The following FAM110B variants were observed in gnomAD, a reference collection of about 807,000 sequenced individuals.
FAM110B encodes the protein family with sequence similarity 110 member B.
In FAM110B, 6 loss-of-function variants were observed where a neutral mutation model predicts 20.4. The observed-to-expected ratio is 0.29, with a 90% CI of 0.16 to 0.58. The LOEUF is 0.58. FAM110B is among the 20% of genes least tolerant of loss of function. The probability of loss-of-function intolerance (pLI) is 0.90; values close to 1 mark genes in which losing one functional copy is unlikely to be tolerated. For synonymous variants in FAM110B, 226 were observed against 214.1 expected (o/e 1.06, Z -0.49); for missense variants, 434 against 498.2 (o/e 0.87, Z 1.23).
chr8:58,051,737 T>G (rs528648196), intron 2 of FAM110B, among the ~76,000 whole-genome samples: 1 of 152,290 alleles, frequency 6.6e-6, no homozygotes, highest in African/African-American at 2.4e-5. Flanking sequence ...TAGTATTAAG[T>G]GCATATCAAT....
chr8:58,143,738 C>T (rs1033230833), intron 3 of FAM110B, among the ~76,000 whole-genome samples: 13 of 152,184 alleles, frequency 8.5e-5, no homozygotes, highest in Non-Finnish European at 8.8e-5. Context: ...TTAACAGACA[C>T]GCAGGTGTGC....
chr8:58,050,017 C>T (rs1345971101), intron 2 of FAM110B, among the ~76,000 whole-genome samples: 2 of 152,078 alleles, frequency 1.3e-5, no homozygotes, highest in Admixed American at 6.5e-5. Flanking sequence ...GTTGATATTC[C>T]TGTCATTGAT....
At chr8:58,035,412 A>G (rs1805057351) in intron 2 of FAM110B, among the ~76,000 whole-genome samples, 1 of 152,220 alleles carries the variant, frequency 6.6e-6, no homozygotes, top group Non-Finnish European at 1.5e-5. Flanking sequence ...TCCTTGGTAT[A>G]TTAGAGAATT....
In FAM110B at chr8:58,034,950, C is replaced by T. The variant is rs537094687; in HGVS notation, c.-414+3247C>T. Among the ~76,000 whole-genome samples the T allele has an allele frequency of 1.7e-4, 26 of 152,154 alleles. No homozygotes were observed. In the South Asian group the frequency reaches 2.3e-3, roughly 13 times the overall value. On this transcript the variant is annotated intron_variant, in intron 2 of 3. Coordinates refer to ENST00000519262, the MANE Select transcript of FAM110B (RefSeq NM_001377989.1). ...TCTAATAGTAGTAGGGAAGAATGGC[C>T]GCAAGTTCAGTCATCTCATCGTTAG...
chr8:58,071,982 A>G (rs773096035), intron 2 of FAM110B, among the ~76,000 whole-genome samples: 7 of 152,182 alleles, frequency 4.6e-5, no homozygotes, highest in Admixed American at 1.3e-4. Context: ...TGCTCTTTCC[A>G]GAAGTCCAGG....
rs1050875030 is a variant in FAM110B at position 58,146,701 on chromosome 8, C to T, written c.471C>T (p.His157=). 1.2e-6 allele frequency: 2 copies of T among 1,612,586 alleles called. No homozygotes were observed. Among genetic ancestry groups the T allele is most frequent in the Non-Finnish European group, 1.7e-6 (2 of 1,179,458 alleles). Residue 157 remains histidine (H), a synonymous_variant, in exon 4 of 4, where the codon CAC becomes CAT. Transcript: ENST00000519262. ...HRSEATDLHR[H]SFAESLKVYP... Reference sequence around the variant, plus strand: ...CGGAAGCCACTGACCTGCACCGTCACTCCTTCGCGGAGTCCCTGAAGGTCT... The same window carrying T: ...CGGAAGCCACTGACCTGCACCGTCATTCCTTCGCGGAGTCCCTGAAGGTCT...
intron 3 of FAM110B, among the ~76,000 whole-genome samples, chr8:58,121,581 A>G (rs1479227102): frequency 6.6e-6 from 1 of 152,208 alleles, no homozygotes; most frequent in Non-Finnish European, 1.5e-5. Context: ...TTACTTTTTA[A>G]GTTAATTTTA....
At chr8:58,116,769 T>C (rs997816315) in intron 3 of FAM110B, among the ~76,000 whole-genome samples, 1 of 152,168 alleles carries the variant, frequency 6.6e-6, no homozygotes, top group African/African-American at 2.4e-5. Flanking sequence ...ACATTCAGTT[T>C]CCAGGAAGAG....
intron 2 of FAM110B, among the ~76,000 whole-genome samples, chr8:58,060,344 T>G (rs780286136): frequency 1.5e-4 from 23 of 152,212 alleles, no homozygotes; most frequent in Non-Finnish European, 2.8e-4. Flanking sequence ...AAAAATTTGG[T>G]GCAGTACATT....
intron 3 of FAM110B, among the ~76,000 whole-genome samples, chr8:58,115,004 GTTGT>G (rs1267760642): frequency 8.0e-6 from 1 of 125,210 alleles, no homozygotes; most frequent in Non-Finnish European, 1.6e-5. Flanking sequence ...CTATTGGAAA[GTTGT>G]TTTTTTTTTT....
intron 3 of FAM110B, among the ~76,000 whole-genome samples, chr8:58,078,165 C>G (rs1806084890): frequency 1.3e-5 from 2 of 152,292 alleles, no homozygotes; most frequent in East Asian, 1.9e-4. Context: ...TTTCACTGCT[C>G]TCAATATGTG....
intron 2 of FAM110B, among the ~76,000 whole-genome samples, chr8:58,034,173 A>G (rs1205998408): frequency 6.6e-6 from 1 of 152,188 alleles, no homozygotes; most frequent in Non-Finnish European, 1.5e-5. Flanking sequence ...GGCATGGTGC[A>G]TCTGTCTAGA....
At chr8:58,047,221 C>T (rs796799663) in intron 2 of FAM110B, among the ~76,000 whole-genome samples, 7 of 152,106 alleles carry the variant, frequency 4.6e-5, no homozygotes, top group South Asian at 4.1e-4. Context: ...TTTTTGGAAG[C>T]GGTGACTGAG....
chr8:58,025,508 C>T (rs1024705226), intron 1 of FAM110B, among the ~76,000 whole-genome samples: 3 of 152,074 alleles, frequency 2.0e-5, no homozygotes, highest in Non-Finnish European at 4.4e-5. Context: ...AATGTTTGGC[C>T]TTGATCTTGT....
chr8:58,121,629 A>G (rs11997240), intron 3 of FAM110B, among the ~76,000 whole-genome samples: 57,021 of 152,102 alleles, frequency 0.37, 14,513 homozygotes, highest in African/African-American at 0.73. Context: ...TCTGCATAGT[A>G]TCCTTTAACC....
At chr8:58,124,629 T>C (rs569514810) in intron 3 of FAM110B, among the ~76,000 whole-genome samples, 1 of 152,322 alleles carries the variant, frequency 6.6e-6, no homozygotes, top group East Asian at 1.9e-4. Context: ...GGGGAGATGC[T>C]AAAGGATGAG....
intron 3 of FAM110B, among the ~76,000 whole-genome samples, chr8:58,101,798 G>A (rs546174098): frequency 2.0e-5 from 3 of 152,136 alleles, no homozygotes; most frequent in South Asian, 2.1e-4. Flanking sequence ...GCATCCAGTG[G>A]CTCACCATTG....
intron 3 of FAM110B, among the ~76,000 whole-genome samples, chr8:58,108,646 C>T (rs1050736735): frequency 6.6e-6 from 1 of 152,222 alleles, no homozygotes; most frequent in Non-Finnish European, 1.5e-5. Context: ...GCACAGCCTG[C>T]TCCATGACCG....
intron 3 of FAM110B, among the ~76,000 whole-genome samples, chr8:58,141,590 C>G (rs1220072144): frequency 6.6e-6 from 1 of 152,208 alleles, no homozygotes; most frequent in African/African-American, 2.4e-5. Flanking sequence ...TGCTCTAACT[C>G]CAGTGCTTTC....
Sources: gnomAD v4.1 joint callset for allele counts (sites outside exome capture counted in the v4.1 genomes callset) on GRCh38, gnomAD v4.1.1 for gene constraint, MANE v1.5 for transcripts, NCBI Gene and HGNC (gene_info 2026-07-23, HGNC 2026-07-21) for gene names.